LINC00237: variants seen among roughly 807,000 people sequenced by gnomAD.
LINC00237 encodes the protein long independently transcribed non-coding RNA 237.
intron 1 of LINC00237, among the ~76,000 whole-genome samples, chr20:21,096,815 G>T (rs934198502): frequency 1.3e-5 from 2 of 152,138 alleles, no homozygotes; most frequent in Admixed American, 6.5e-5. Context: ...TGCTAGATTG[G>T]ACTTTGTGGC....
At chr20:21,098,771 C>G (rs1400492174) in intron 1 of LINC00237, among the ~76,000 whole-genome samples, 1 of 152,190 alleles carries the variant, frequency 6.6e-6, no homozygotes. Context: ...GATAAAGATC[C>G]TCCTCGAACA....
At chr20:21,089,488 G>A (rs1427072384) in intron 2 of LINC00237, among the ~76,000 whole-genome samples, 3 of 151,978 alleles carry the variant, frequency 2.0e-5, no homozygotes, top group Non-Finnish European at 1.5e-5. Flanking sequence ...AATCACCCCG[G>A]GCCTGCCATG....
intron 1 of LINC00237, among the ~76,000 whole-genome samples, chr20:21,094,673 G>A (rs775609603): frequency 9.2e-5 from 14 of 152,264 alleles, no homozygotes; most frequent in East Asian, 1.9e-4. Flanking sequence ...GGCTCACACC[G>A]TAGTCCTAAT....
rs1173839023 is a variant in LINC00237, at chr20:21,101,597, AC to A, written n.88+4673del. On this transcript the variant is annotated intron_variant and non_coding_transcript_variant, in intron 1 of 3. Transcript: ENST00000691244. This position sits in a 1 kb window ranked among gnomAD's most constrained non-coding sequence, Gnocchi z 4.3. ...GCTCGGGCCCCAGGTTGGAGTAGCC[AC>A]GCTAGCGGCTAGGCCGTTCCACCGG... 1 of 152,336 alleles carries A rather than the reference AC, an allele frequency of 6.6e-6. No individual in the cohort carries two copies. The highest frequency in any genetic ancestry group is 1.5e-5 in the Non-Finnish European group (1 of 68,170). 9.4% of individuals were successfully genotyped at this position (152,336 alleles called of 1,614,324 possible). A position where few individuals can be genotyped will look rare whatever the true frequency, so the allele number is the denominator to read the frequency against.
chr20:21,094,195 T>C (rs769720064), intron 1 of LINC00237, among the ~76,000 whole-genome samples: 3 of 152,214 alleles, frequency 2.0e-5, no homozygotes, highest in Non-Finnish European at 4.4e-5. Flanking sequence ...AGAAATCTAC[T>C]AGAAATGAGT....
chr20:21,101,851 A>G lies in LINC00237; in HGVS notation n.88+4420T>C, dbSNP rs1568887021. On this transcript the variant is annotated intron_variant and non_coding_transcript_variant, in intron 1 of 3. Coordinates refer to ENST00000691244, the Ensembl canonical transcript of LINC00237. This position sits in a 1 kb window ranked among gnomAD's most constrained non-coding sequence, Gnocchi z 4.3. ...CCCCCTAGCTGAGTGCAGGGGCCAG[A>G]GGCTGGCGGGGGCACGCGGGGGTGG... 6.9e-6 allele frequency among the ~76,000 whole-genome samples: 1 copy of G among 144,898 alleles called. No individual in the cohort carries two copies. Among genetic ancestry groups the G allele is most frequent in the Non-Finnish European group, 1.5e-5 (1 of 65,880 alleles).
At chr20:21,100,259 G>T (rs769026621) in intron 1 of LINC00237, among the ~76,000 whole-genome samples, 1 of 152,222 alleles carries the variant, frequency 6.6e-6, no homozygotes, top group Non-Finnish European at 1.5e-5. Flanking sequence ...ACAGGGGGCG[G>T]AGGAATCTGT....
chr20:21,094,452 T>C (rs1191036141), intron 1 of LINC00237, among the ~76,000 whole-genome samples: 1 of 152,080 alleles, frequency 6.6e-6, no homozygotes, highest in Non-Finnish European at 1.5e-5. Context: ...GTGTGTATAA[T>C]AAGAAGTGCC....
chr20:21,094,510 T>G (rs2030831028), intron 1 of LINC00237, among the ~76,000 whole-genome samples: 1 of 152,208 alleles, frequency 6.6e-6, no homozygotes, highest in African/African-American at 2.4e-5. Context: ...ACTAGCATGA[T>G]GGGAAAGACT....
chr20:21,088,040 G>C, intron 2 of LINC00237: 1 of 152,154 alleles, frequency 6.6e-6, no homozygotes, highest in East Asian at 1.9e-4. Context: ...CCTGTAGGTA[G>C]AAATGGTCAT....
intron 1 of LINC00237, among the ~76,000 whole-genome samples, chr20:21,094,377 G>T (rs966731204): frequency 1.3e-5 from 2 of 152,126 alleles, no homozygotes; most frequent in African/African-American, 4.8e-5. Flanking sequence ...TGCCCTTGAA[G>T]AGCCAACAAT....
intron 1 of LINC00237, among the ~76,000 whole-genome samples, chr20:21,094,126 T>G (rs986565445): frequency 5.9e-5 from 9 of 152,190 alleles, no homozygotes; most frequent in African/African-American, 2.2e-4. Context: ...TAAGCCTCAC[T>G]TATGCTGGGA....
In LINC00237 at chr20:21,101,218, G is replaced by A. The variant is rs1279055209; in HGVS notation, n.88+5053C>T. 4.6e-5 allele frequency among the ~76,000 whole-genome samples: 7 copies of A among 152,356 alleles called. No individual in the cohort carries two copies. The highest frequency in any genetic ancestry group is 2.0e-4 in the Admixed American group (3 of 15,306). On this transcript the variant is annotated intron_variant and non_coding_transcript_variant, in intron 1 of 3. Coordinates refer to ENST00000691244, the Ensembl canonical transcript of LINC00237. The surrounding 1 kb of genome is among the most constrained non-coding windows in gnomAD (Gnocchi z 4.3). ...CAGCCCCTCGGCCGGGAATCCGACA[G>A]GGGAACAAAACGCGCTGGTAAACGC...
chr20:21,097,028 T>C (rs559911249), intron 1 of LINC00237, among the ~76,000 whole-genome samples: 3 of 152,282 alleles, frequency 2.0e-5, no homozygotes, highest in South Asian at 2.1e-4. Context: ...ACCTGTCGGA[T>C]TGGAATCCTA....
At chr20:21,100,072 C>T (rs2030909501) in intron 1 of LINC00237, among the ~76,000 whole-genome samples, 1 of 152,176 alleles carries the variant, frequency 6.6e-6, no homozygotes, top group South Asian at 2.1e-4. Context: ...AAAGCGAAAG[C>T]GACAGTTTCT....
At chr20:21,098,661 G>A (rs1200738945) in intron 1 of LINC00237, among the ~76,000 whole-genome samples, 1 of 152,194 alleles carries the variant, frequency 6.6e-6, no homozygotes, top group Non-Finnish European at 1.5e-5. Flanking sequence ...GTTTTCAGTG[G>A]CTTCAAGTAC....
At chr20:21,095,503 C>T (rs567495316) in intron 1 of LINC00237, among the ~76,000 whole-genome samples, 5 of 152,140 alleles carry the variant, frequency 3.3e-5, no homozygotes, top group African/African-American at 7.2e-5. Context: ...GGAGTACACA[C>T]GTGATGAGCT....
At chr20:21,099,219 G>T (rs908153841) in intron 1 of LINC00237, among the ~76,000 whole-genome samples, 1 of 152,238 alleles carries the variant, frequency 6.6e-6, no homozygotes. Context: ...AGGAAGGACA[G>T]TGGTCAGGAG....
At chr20:21,099,197 G>A in intron 1 of LINC00237, among the ~76,000 whole-genome samples, 1 of 152,238 alleles carries the variant, frequency 6.6e-6, no homozygotes, top group East Asian at 1.9e-4. Flanking sequence ...TGCACTGGCT[G>A]AAGGTGAAGA....
Sources: gnomAD v4.1 joint callset for allele counts (sites outside exome capture counted in the v4.1 genomes callset) on GRCh38, gnomAD v4.1.1 for gene constraint, Gnocchi (gnomAD v3.1) non-coding constraint, MANE v1.5 for transcripts, NCBI Gene and HGNC (gene_info 2026-07-23, HGNC 2026-07-21) for gene names.